The following TAC1 variants were observed in gnomAD, a reference collection of about 807,000 sequenced individuals.
TAC1 encodes protachykinin-1.
TAC1 carries 12 observed loss-of-function variants against 21.7 expected under a neutral mutation model. That is an observed-to-expected ratio of 0.55 (90% CI 0.35 to 0.89). TAC1 has a LOEUF of 0.89. Ranked by LOEUF, TAC1 falls within the 40% of genes least tolerant of loss-of-function variation. The pLI, the probability that TAC1 is intolerant of heterozygous loss-of-function variation, is 0.01. For missense variants in TAC1, 128 were observed against 151.4 expected (o/e 0.85, Z 0.81); for synonymous variants, 52 against 52.0 (o/e 1.00, Z 0.00).
intron 3 of TAC1, 141 bp downstream of exon 3, chr7:97,733,960 C>A: frequency 1.2e-6 from 1 of 869,114 alleles, no homozygotes; most frequent in Non-Finnish European, 1.8e-6. Flanking sequence ...CGACATTGGC[C>A]CACACCGCAC....
chr7:97,736,117 A>G (rs1197483545), intron 5 of TAC1, among the ~76,000 whole-genome samples, 182 bp from the exon 6 acceptor site: 1 of 152,036 alleles, frequency 6.6e-6, no homozygotes, highest in Non-Finnish European at 1.5e-5. Context: ...GTTTCATTGT[A>G]TTGTTTTAGT....
In TAC1 at chr7:97,732,571, T is replaced by C. The variant is rs756195978; in HGVS notation, c.-9-33T>C. 4.3e-6 allele frequency: 7 copies of C among 1,612,648 alleles called. No homozygotes were observed. The African/African-American group carries it at 5.3e-5, about 12-fold the overall frequency. On this transcript the variant is annotated intron_variant, in intron 1 of 6. Transcript: ENST00000319273. The surrounding 1 kb of genome is among the most constrained non-coding windows in gnomAD (Gnocchi z 6.2). Reference sequence around the variant, plus strand: ...ACCCCTAATAGATACATTATTTCTCTCTTTGGTGTCTTCTCCTCCTACCCC... The same window carrying C: ...ACCCCTAATAGATACATTATTTCTCCCTTTGGTGTCTTCTCCTCCTACCCC...
intron 6 of TAC1, among the ~76,000 whole-genome samples, chr7:97,736,619 G>A (rs3779470): frequency 0.19 from 28,244 of 151,918 alleles, 2,749 homozygotes; most frequent in East Asian, 0.27. Context: ...CTTTGGGTTA[G>A]TGCTATATTC....
chr7:97,734,503 T>TTC (rs1238506911), intron 4 of TAC1, among the ~76,000 whole-genome samples: 5 of 148,146 alleles, frequency 3.4e-5, no homozygotes, highest in South Asian at 4.3e-4. Flanking sequence ...CTCTCTCTCT[T>TTC]TCTCTCTCTC....
intron 5 of TAC1, among the ~76,000 whole-genome samples, chr7:97,735,101 GAGA>G (rs542192769): frequency 1.2e-3 from 182 of 152,192 alleles, no homozygotes; most frequent in African/African-American, 4.2e-3. Context: ...GTTAGTTTTA[GAGA>G]AGAATTTCAA....
intron 4 of TAC1, 70 bp downstream of exon 4, chr7:97,734,362 T>C: frequency 7.2e-7 from 1 of 1,391,070 alleles, no homozygotes; most frequent in South Asian, 1.2e-5. Context: ...TAAAATCTTT[T>C]ATGGGCTGAA....
intron 6 of TAC1, among the ~76,000 whole-genome samples, chr7:97,737,222 A>T (rs1789592774): frequency 6.6e-6 from 1 of 152,008 alleles, no homozygotes; most frequent in South Asian, 2.1e-4. Context: ...TGGAAAAGCT[A>T]TTCAAATTCT....
rs1010266780 is a variant in TAC1 at position 97,732,887 on chromosome 7, T to C, written c.123+152T>C. The C allele has an allele frequency of 3.9e-6, 4 of 1,019,528 alleles. No individual in the cohort carries two copies. The highest frequency in any genetic ancestry group is 5.5e-6 in the Non-Finnish European group (4 of 721,512). The allele number at this position is 1,019,528 out of a possible 1,614,324, so 63.2% of individuals were successfully genotyped here. On this transcript the variant is annotated intron_variant, in intron 2 of 6. Coordinates refer to ENST00000319273, the MANE Select transcript of TAC1 (RefSeq NM_003182.3). The surrounding 1 kb of genome is among the most constrained non-coding windows in gnomAD (Gnocchi z 6.2). ...GCGAGAGGATGGAAAGGGGCACTAT[T>C]TCCCGGGTTCCCCACGGGATTTTGT...
At chr7:97,738,663 C>T (rs4602814) in intron 6 of TAC1, among the ~76,000 whole-genome samples, 28,220 of 151,850 alleles carry the variant, frequency 0.19, 2,731 homozygotes, top group East Asian at 0.27. Context: ...TAAAGGATAG[C>T]TGGGTGTTTA....
chr7:97,740,004 A>T lies in TAC1; in HGVS notation c.*84A>T. ...ATTAAGACATGCACTATGAGGAATA[A>T]TTATTTATTTAATAACAATTGTTTG... On this transcript the variant is annotated 3_prime_UTR_variant, in exon 7 of 7. Coordinates refer to ENST00000319273, the MANE Select transcript of TAC1 (RefSeq NM_003182.3). 2 of 936,136 alleles carry T rather than the reference A, an allele frequency of 2.1e-6. No homozygotes were observed. Among genetic ancestry groups the T allele is most frequent in the Non-Finnish European group, 3.1e-6 (2 of 638,940 alleles). The allele number at this position is 936,136 out of a possible 1,614,324, so 58.0% of individuals were successfully genotyped here.
At chr7:97,733,684 TTGCCTTAC>T in intron 2 of TAC1, 31 bp from the exon 3 acceptor site, 1 of 1,606,522 alleles carries the variant, frequency 6.2e-7, no homozygotes, top group Non-Finnish European at 8.5e-7. Flanking sequence ...CTCGCTCTGG[TTGCCTTAC>T]ACGCCCTTTG....
At chr7:97,733,982 C>T (rs975826331) in intron 3 of TAC1, 163 bp downstream of exon 3, 4 of 734,128 alleles carry the variant, frequency 5.4e-6, no homozygotes, top group East Asian at 5.4e-5. Context: ...AAGGCACGCA[C>T]GGGCCCGCGG....
chr7:97,739,730 G>A (rs1420057394), intron 6 of TAC1, 144 bp from the exon 7 acceptor site: 6 of 541,800 alleles, frequency 1.1e-5, no homozygotes, highest in Non-Finnish European at 1.9e-5. Context: ...TGGAAGATGT[G>A]CAGATAACAT....
At chr7:97,736,455 A>C (rs191687379) in intron 6 of TAC1, 103 bp downstream of exon 6, 2 of 1,111,232 alleles carry the variant, frequency 1.8e-6, no homozygotes, top group Middle Eastern at 2.7e-4. Flanking sequence ...TAGATATAAA[A>C]ATGAGTATTA....
rs1266521192 is a variant in TAC1, at chr7:97,732,551, T to G, written c.-9-53T>G. The G allele has an allele frequency of 1.9e-6, 3 of 1,605,066 alleles. No homozygotes were observed. In the African/African-American group the frequency reaches 4.0e-5, roughly 21 times the overall value. Reference sequence around the variant, plus strand: ...GCTTTAACTCTTGGATAACCACCCCTAATAGATACATTATTTCTCTCTTTG... The same window carrying G: ...GCTTTAACTCTTGGATAACCACCCCGAATAGATACATTATTTCTCTCTTTG... On this transcript the variant is annotated intron_variant, in intron 1 of 6. Transcript: ENST00000319273. This position sits in a 1 kb window ranked among gnomAD's most constrained non-coding sequence, Gnocchi z 6.2.
chr7:97,737,603 T>C (rs900277007), intron 6 of TAC1, among the ~76,000 whole-genome samples: 5 of 152,016 alleles, frequency 3.3e-5, no homozygotes, highest in Non-Finnish European at 5.9e-5. Context: ...GATACAAAAT[T>C]TCCAATAAAT....
At chr7:97,737,095 A>G (rs1789590419) in intron 6 of TAC1, among the ~76,000 whole-genome samples, 1 of 151,942 alleles carries the variant, frequency 6.6e-6, no homozygotes, top group East Asian at 1.9e-4. Flanking sequence ...ATATATCTGA[A>G]AACCATTATT....
At chr7:97,733,239 C>T in intron 2 of TAC1, 1 of 176,360 alleles carries the variant, frequency 5.7e-6, no homozygotes, top group East Asian at 1.6e-4. Context: ...TTGAAGTCTC[C>T]CTTTAGAAAC....
At position 97,732,493 on chromosome 7, in the gene TAC1, T is replaced by G; in HGVS notation, c.-9-111T>G. 7.8e-7 allele frequency: 1 copy of G among 1,284,084 alleles called. No individual in the cohort carries two copies. The highest frequency in any genetic ancestry group is 1.1e-6 in the Non-Finnish European group (1 of 914,060). 79.5% of individuals were successfully genotyped at this position (1,284,084 alleles called of 1,614,324 possible). A position where few individuals can be genotyped will look rare whatever the true frequency, so the allele number is the denominator to read the frequency against. On this transcript the variant is annotated intron_variant, in intron 1 of 6. Transcript: ENST00000319273. This position sits in a 1 kb window ranked among gnomAD's most constrained non-coding sequence, Gnocchi z 6.2. ...ACTTCAGTCCTTATGTTTTTGATCT[T>G]GGTTCATCCGTTGTGGGGCAGAAAA...
Sources: allele counts gnomAD v4.1 joint callset (sites outside exome capture counted in the v4.1 genomes callset), GRCh38; gene constraint gnomAD v4.1.1; non-coding constraint Gnocchi (gnomAD v3.1); transcripts MANE v1.5; gene names NCBI Gene and HGNC (gene_info 2026-07-23, HGNC 2026-07-21).